The following DAPK1 variants were observed in gnomAD, a reference collection of about 807,000 sequenced individuals.
DAPK1 encodes death associated protein kinase 1, also known as death-associated protein kinase 1.
A neutral mutation model predicts 144.9 loss-of-function variants in DAPK1; 56 were observed. That is an observed-to-expected ratio of 0.39 (90% CI 0.31 to 0.48). The LOEUF (loss-of-function observed/expected upper bound fraction) is 0.48. DAPK1 is among the 20% of genes least tolerant of loss of function. DAPK1 has a pLI of 0.95. For synonymous variants in DAPK1, 690 were observed against 749.0 expected, an observed-to-expected ratio of 0.92 and a Z score of 1.29; for missense variants, 1,454 against 1,875.4, an observed-to-expected ratio of 0.78 and a Z score of 4.15.
At chr9:87,660,213 A>G (rs1050463970) in intron 18 of DAPK1, among the ~76,000 whole-genome samples, 1 of 151,892 alleles carries the variant, frequency 6.6e-6, no homozygotes, top group Non-Finnish European at 1.5e-5. Context: ...GGGTGAGCAG[A>G]GCTTGGTGGG....
chr9:87,653,472 C>T (rs972125932), intron 17 of DAPK1, among the ~76,000 whole-genome samples: 1 of 152,014 alleles, frequency 6.6e-6, no homozygotes. Context: ...TTTTGCATAA[C>T]TCAGTGTACA....
intron 25 of DAPK1, among the ~76,000 whole-genome samples, chr9:87,705,698 T>C (rs1825612280): frequency 6.6e-6 from 1 of 152,210 alleles, no homozygotes; most frequent in South Asian, 2.1e-4. Flanking sequence ...AATTGATGAT[T>C]CCAGAAACAT....
chr9:87,638,045 C>T lies in DAPK1; in HGVS notation c.387C>T (p.Tyr129=), dbSNP rs1351949883. 1.9e-6 allele frequency: 3 copies of T among 1,613,512 alleles called. No individual in the cohort carries two copies. The East Asian group carries it at 6.7e-5, about 36-fold the overall frequency. The change falls in exon 4 of 26, where the codon TAC becomes TAT. Residue 129 remains tyrosine (Y), a synonymous_variant. Transcript: ENST00000408954. ...AACAAATTCTTAATGGTGTTTACTA[C>T]CTGCACTCCCTTCAAATCGCCCACT... is the stretch of plus-strand genomic sequence containing the variant. ...FLKQILNGVY[Y]LHSLQIAHFD... is the part of the protein sequence containing the mutation.
intron 2 of DAPK1, among the ~76,000 whole-genome samples, chr9:87,555,733 C>A (rs915992270): frequency 9.2e-5 from 14 of 152,186 alleles, no homozygotes; most frequent in African/African-American, 3.4e-4. Flanking sequence ...GAACTCCCGA[C>A]CTCAGGTGAT....
At chr9:87,584,189 G>A (rs1827855054) in intron 2 of DAPK1, among the ~76,000 whole-genome samples, 1 of 152,086 alleles carries the variant, frequency 6.6e-6, no homozygotes, top group African/African-American at 2.4e-5. Context: ...ATTTTTTGTG[G>A]TGAGAACACT....
Position 87,499,004 on chromosome 9 carries a change from C to A in DAPK1, c.-74C>A. Reference sequence around the variant, plus strand: ...CTGATGCATGAGGGGGCTACGGAGGCGCAGGAGCGGTGGTGATGGTCTGGG... The same window carrying A: ...CTGATGCATGAGGGGGCTACGGAGGAGCAGGAGCGGTGGTGATGGTCTGGG... On this transcript the variant is annotated 5_prime_UTR_variant, in exon 2 of 26. Transcript: ENST00000408954. The A allele has an allele frequency of 8.1e-7, 1 of 1,229,530 alleles. No homozygotes were observed. Among genetic ancestry groups the A allele is most frequent in the Non-Finnish European group, 1.2e-6 (1 of 832,552 alleles). 76.2% of individuals were successfully genotyped at this position (1,229,530 alleles called of 1,614,324 possible).
intron 2 of DAPK1, among the ~76,000 whole-genome samples, chr9:87,602,922 TTCTCTC>T (rs143584239): frequency 8.2e-5 from 12 of 146,416 alleles, no homozygotes; most frequent in South Asian, 4.4e-4. Flanking sequence ...GTCTCTCTGT[TTCTCTC>T]TCTCTCTCTC....
chr9:87,655,028 TA>T (rs1830583705), intron 17 of DAPK1, among the ~76,000 whole-genome samples: 1 of 152,238 alleles, frequency 6.6e-6, no homozygotes, highest in South Asian at 2.1e-4. Context: ...GTAAAGTCGA[TA>T]AATGCTGACA....
chr9:87,676,365 GCTGCTTTCC>G (rs1284808581), intron 19 of DAPK1, among the ~76,000 whole-genome samples: 1 of 152,244 alleles, frequency 6.6e-6, no homozygotes, highest in Non-Finnish European at 1.5e-5. Context: ...GTGGATGAAA[GCTGCTTTCC>G]CAGGGAGAGG....
At chr9:87,550,090 A>G (rs142749715) in intron 2 of DAPK1, among the ~76,000 whole-genome samples, 70 of 152,310 alleles carry the variant, frequency 4.6e-4, no homozygotes, top group East Asian at 3.9e-3. Flanking sequence ...AGGTTTGACA[A>G]TTGCATTCCC....
At chr9:87,517,166 G>T (rs1329488599) in intron 2 of DAPK1, among the ~76,000 whole-genome samples, 1 of 152,114 alleles carries the variant, frequency 6.6e-6, no homozygotes, top group Non-Finnish European at 1.5e-5. Flanking sequence ...AGGACAGACA[G>T]ATGGGACAGA....
At chr9:87,704,202 A>G (rs369665701) in intron 25 of DAPK1, among the ~76,000 whole-genome samples, 10 of 152,324 alleles carry the variant, frequency 6.6e-5, no homozygotes, top group African/African-American at 2.2e-4. Context: ...GATTGAATCC[A>G]AGGAAGAACA....
rs758773671 is a variant in DAPK1 at position 87,707,228 on chromosome 9, G to A, written c.4157G>A (p.Arg1386Gln). ...TCCAAACTGAGGGAGCTGGGTCGCC[G>A]GGATGCCGCAGACTTTTTGCTGAAG... Reference protein sequence around the residue: ...LMSKLRELGRRDAADFLLKAS... With the variant: ...LMSKLRELGRQDAADFLLKAS... The change falls in exon 26 of 26, where the codon CGG becomes CAG. Residue 1386 changes from arginine (R) to glutamine (Q), a missense_variant. By Grantham distance (43) the Arg-to-Gln change is conservative. This residue lies in a region of DAPK1 where 1,025 missense variants were observed against 1,237.9 expected (regional missense o/e 0.83). Transcript: ENST00000408954. The surrounding 1 kb of genome is among the most constrained non-coding windows in gnomAD (Gnocchi z 4.0). 3 of 1,614,158 alleles carry A rather than the reference G, an allele frequency of 1.9e-6. No homozygotes were observed. Among genetic ancestry groups the A allele is most frequent in the South Asian group, 1.1e-5 (1 of 91,074 alleles).
chr9:87,618,954 G>A (rs906058465), intron 3 of DAPK1, among the ~76,000 whole-genome samples: 5 of 152,136 alleles, frequency 3.3e-5, no homozygotes, highest in African/African-American at 9.7e-5. Flanking sequence ...ACTCCCTCCT[G>A]CCCGCTGAAT....
chr9:87,680,401 G>A (rs989885056), intron 19 of DAPK1, among the ~76,000 whole-genome samples: 2 of 152,180 alleles, frequency 1.3e-5, no homozygotes, highest in Non-Finnish European at 2.9e-5. Flanking sequence ...CACCGCACCC[G>A]ATTTGTTGTA....
chr9:87,554,461 TCTTTA>T (rs1300570864), intron 2 of DAPK1: 1 of 66,706 alleles, frequency 1.5e-5, no homozygotes, highest in Non-Finnish European at 3.1e-5. Context: ...AAAAAAAAAG[TCTTTA>T]CTTCATCTAG....
At chr9:87,638,549 G>T (rs1261971533) in intron 4 of DAPK1, among the ~76,000 whole-genome samples, 1 of 152,238 alleles carries the variant, frequency 6.6e-6, no homozygotes, top group East Asian at 1.9e-4. Context: ...TGTTGGAGAT[G>T]AAAGGGCATG....
At chr9:87,552,907 C>T (rs1826550222) in intron 2 of DAPK1, among the ~76,000 whole-genome samples, 1 of 152,054 alleles carries the variant, frequency 6.6e-6, no homozygotes, top group Non-Finnish European at 1.5e-5. Context: ...GCTATATTTA[C>T]CATTTGAACC....
At chr9:87,606,714 C>CCT (rs1207411320) in intron 3 of DAPK1, among the ~76,000 whole-genome samples, 1 of 109,682 alleles carries the variant, frequency 9.1e-6, no homozygotes, top group Non-Finnish European at 1.9e-5. Flanking sequence ...TTCCTTCCTC[C>CCT]CTCTCTCTCT....
Sources: gnomAD v4.1 joint callset for allele counts (sites outside exome capture counted in the v4.1 genomes callset) on GRCh38, gnomAD v4.1.1 for gene constraint, gnomAD v4.1.1 regional missense constraint, Gnocchi (gnomAD v3.1) non-coding constraint, MANE v1.5 for transcripts, NCBI Gene and HGNC (gene_info 2026-07-23, HGNC 2026-07-21) for gene names.